TRIM54: variants seen among roughly 807,000 people sequenced by gnomAD.
TRIM54 encodes the protein tripartite motif-containing protein 54.
TRIM54 carries 40 observed loss-of-function variants against 42.0 expected under a neutral mutation model. That is an observed-to-expected ratio of 0.95 (90% CI 0.74 to 1.24). The LOEUF (loss-of-function observed/expected upper bound fraction) is 1.24, where lower values mean the gene tolerates loss of function less well. Among genes scored for constraint, TRIM54 ranks in the 50% most tolerant of loss-of-function variants. The pLI is 0.00. For missense variants in TRIM54, 485 were observed against 480.3 expected (o/e 1.01, Z -0.09); for synonymous variants, 199 against 194.9 (o/e 1.02, Z -0.17).
At chr2:27,300,785 G>C (rs546322444) in intron 3 of TRIM54, among the ~76,000 whole-genome samples, 1 of 152,232 alleles carries the variant, frequency 6.6e-6, no homozygotes, top group Admixed American at 6.5e-5. Flanking sequence ...AGGATCACTT[G>C]AGCCCGGGAG....
At chr2:27,298,834 A>G (rs1439246175) in intron 2 of TRIM54, 95 bp downstream of exon 2, 40 of 1,341,366 alleles carry the variant, frequency 3.0e-5, no homozygotes, top group Non-Finnish European at 3.8e-5. Context: ...GAAACGGTCA[A>G]CCTGCCTGTT....
At chr2:27,287,822 C>A (rs1173029617) in intron 1 of TRIM54, among the ~76,000 whole-genome samples, 1 of 152,258 alleles carries the variant, frequency 6.6e-6, no homozygotes, top group Non-Finnish European at 1.5e-5. Flanking sequence ...AGCCACTGCA[C>A]CTGGCCTTAA....
chr2:27,298,807 G>A (rs943304645), intron 2 of TRIM54, 68 bp downstream of exon 2: 3 of 1,524,032 alleles, frequency 2.0e-6, no homozygotes, highest in African/African-American at 2.7e-5. Flanking sequence ...ACCCATCAGA[G>A]CCAAAAGGGA....
Position 27,307,289 on chromosome 2 carries a change from G to C in TRIM54, c.*404G>C. 1 of 678,846 alleles carries C rather than the reference G, an allele frequency of 1.5e-6. No individual in the cohort carries two copies. 42.1% of individuals were successfully genotyped at this position (678,846 alleles called of 1,614,324 possible). On this transcript the variant is annotated 3_prime_UTR_variant, in exon 9 of 9. Transcript: ENST00000380075. The surrounding 1 kb of genome is among the most constrained non-coding windows in gnomAD (Gnocchi z 6.9). ...CTGGCTGACCTGGCTGAAAGCCGCT[G>C]TCTCGGAGCCCCCCACAGCATTTTG...
Position 27,305,836 on chromosome 2 carries a change from TG to T in TRIM54, c.843+21del. On this transcript the variant is annotated intron_variant, in intron 5 of 8. Transcript: ENST00000380075. The stretch of plus-strand genomic sequence containing the variant: ...TCTCCAGGTGGGCTCTAGGGGAGGG[TG>T]GCAGCGCTGCACAGTGGCTGGAGTC... The T allele has an allele frequency of 6.4e-7, 1 of 1,559,176 alleles. No individual in the cohort carries two copies. Among genetic ancestry groups the T allele is most frequent in the Non-Finnish European group, 8.7e-7 (1 of 1,148,262 alleles).
chr2:27,282,995 A>C (rs1678428841), intron 1 of TRIM54, 96 bp downstream of exon 1: 2 of 1,369,810 alleles, frequency 1.5e-6, no homozygotes, highest in Non-Finnish European at 9.8e-7. Context: ...TGATGGATAG[A>C]GTGCTCTCTG....
In TRIM54 at chr2:27,288,724, G is replaced by A. The variant is rs79603702; in HGVS notation, c.168+5825G>A. On this transcript the variant is annotated intron_variant, in intron 1 of 8. Coordinates refer to ENST00000380075, the MANE Select transcript of TRIM54 (RefSeq NM_187841.3). ...GTTAGATCGAATGGATGTTATCTCCGTTTTACAGAAGAGAACATAGGAAAC... is the reference window on the plus strand; with the variant it reads ...GTTAGATCGAATGGATGTTATCTCCATTTTACAGAAGAGAACATAGGAAAC... 7.4e-3 allele frequency among the ~76,000 whole-genome samples: 1,124 copies of A among 152,242 alleles called. 9 individuals are homozygous for A. The highest frequency in any genetic ancestry group is 0.017 in the Middle Eastern group (5 of 294).
At chr2:27,299,665 C>T (rs955543535) in intron 3 of TRIM54, 3 of 662,474 alleles carry the variant, frequency 4.5e-6, no homozygotes, top group East Asian at 5.4e-5. Flanking sequence ...TGTGAGCCAC[C>T]GCACTCAGCC....
rs1185465909 is a variant in TRIM54 at position 27,298,748 on chromosome 2, C to T, written c.341+9C>T. ...AAGCAGGAGTCATCCAGGTGAGCCA[C>T]CAGAGTCTCTTGCCTCTCTCATGAC... is the stretch of plus-strand genomic sequence containing the variant. On this transcript the variant is annotated intron_variant, in intron 2 of 8. Transcript: ENST00000380075. 6.2e-7 allele frequency: 1 copy of T among 1,612,906 alleles called. No homozygotes were observed. The highest frequency in any genetic ancestry group is 8.5e-7 in the Non-Finnish European group (1 of 1,179,256).
In TRIM54 at chr2:27,305,786, T is replaced by C. The variant is rs78879946; in HGVS notation, c.812T>C (p.Met271Thr). ...SKLVESAIQS[M>T]EEPQMALYLQ... ...CTGGTGGAGTCTGCCATCCAGTCCATGGAAGAGCCACAAATGGCGCTGTAT... is the reference window on the plus strand; with the variant it reads ...CTGGTGGAGTCTGCCATCCAGTCCACGGAAGAGCCACAAATGGCGCTGTAT... The change falls in exon 5 of 9, where the codon ATG (methionine) becomes ACG (threonine). Residue 271 changes from methionine (M) to threonine (T), a missense_variant. Transcript: ENST00000380075. 6 of 1,608,906 alleles carry C rather than the reference T, an allele frequency of 3.7e-6. No individual in the cohort carries two copies. The South Asian group carries it at 6.7e-5, about 18-fold the overall frequency.
At position 27,306,025 on chromosome 2, in the gene TRIM54, G is replaced by A; in HGVS notation, c.844-55G>A. 2 of 1,609,344 alleles carry A rather than the reference G, an allele frequency of 1.2e-6. No homozygotes were observed. Among genetic ancestry groups the A allele is most frequent in the South Asian group, 2.2e-5 (2 of 90,456 alleles). On this transcript the variant is annotated intron_variant, in intron 5 of 8. Coordinates refer to ENST00000380075, the MANE Select transcript of TRIM54 (RefSeq NM_187841.3). This position sits in a 1 kb window ranked among gnomAD's most constrained non-coding sequence, Gnocchi z 6.1. ...GGACTGTGGTGAGATTCAGAAATGGGACTTTGCCCAGGTTGGCCCAGTGCT... is the reference window on the plus strand; with the variant it reads ...GGACTGTGGTGAGATTCAGAAATGGAACTTTGCCCAGGTTGGCCCAGTGCT...
chr2:27,300,241 G>A (rs905867436), intron 3 of TRIM54, among the ~76,000 whole-genome samples: 26 of 152,058 alleles, frequency 1.7e-4, no homozygotes, highest in African/African-American at 5.8e-4. Context: ...GCACGATCTC[G>A]GCTCACTGTA....
At chr2:27,294,036 CAAT>C (rs1305090253) in intron 1 of TRIM54, among the ~76,000 whole-genome samples, 14 of 152,120 alleles carry the variant, frequency 9.2e-5, no homozygotes, top group African/African-American at 3.1e-4. Context: ...ACAACAACAA[CAAT>C]AATAACAACA....
At chr2:27,295,493 A>G (rs1678841548) in intron 1 of TRIM54, among the ~76,000 whole-genome samples, 1 of 152,094 alleles carries the variant, frequency 6.6e-6, no homozygotes, top group African/African-American at 2.4e-5. Flanking sequence ...TTTTTAGTAG[A>G]GACGGGATTT....
intron 1 of TRIM54, among the ~76,000 whole-genome samples, chr2:27,291,815 C>T (rs1169339835): frequency 2.0e-5 from 3 of 152,082 alleles, no homozygotes; most frequent in South Asian, 4.1e-4. Flanking sequence ...CCAGGCCCGA[C>T]GGAGATATGG....
intron 1 of TRIM54, among the ~76,000 whole-genome samples, chr2:27,285,098 A>C (rs1678519828): frequency 6.6e-6 from 1 of 152,010 alleles, no homozygotes; most frequent in South Asian, 2.1e-4. Flanking sequence ...TTGAGGTGCA[A>C]AGCACCCTTG....
chr2:27,287,137 A>T (rs544215201), intron 1 of TRIM54, among the ~76,000 whole-genome samples: 6 of 152,326 alleles, frequency 3.9e-5, no homozygotes, highest in African/African-American at 1.4e-4. Context: ...TTTGCCACAC[A>T]ATGCATATCA....
chr2:27,306,118 G>A lies in TRIM54; in HGVS notation c.866+16G>A, dbSNP rs768128037. On this transcript the variant is annotated intron_variant, in intron 6 of 8. Coordinates refer to ENST00000380075, the MANE Select transcript of TRIM54 (RefSeq NM_187841.3). The surrounding 1 kb of genome is among the most constrained non-coding windows in gnomAD (Gnocchi z 6.1). ...TGATCAATAAGTGAGTAGGCATAGCGGGAAGGGAAAGGAGGGGGCTGCACT... is the reference window on the plus strand; with the variant it reads ...TGATCAATAAGTGAGTAGGCATAGCAGGAAGGGAAAGGAGGGGGCTGCACT... 1.6e-5 allele frequency: 26 copies of A among 1,613,872 alleles called. No homozygotes were observed. The Middle Eastern group carries it at 6.6e-4, about 41-fold the overall frequency.
intron 3 of TRIM54, among the ~76,000 whole-genome samples, chr2:27,303,606 G>A (rs571595756): frequency 6.6e-6 from 1 of 151,604 alleles, no homozygotes; most frequent in East Asian, 1.9e-4. Flanking sequence ...AGGAGCTAAA[G>A]CAGTAAATTG....
Sources: allele counts gnomAD v4.1 joint callset (sites outside exome capture counted in the v4.1 genomes callset), GRCh38; gene constraint gnomAD v4.1.1; non-coding constraint Gnocchi (gnomAD v3.1); transcripts MANE v1.5; gene names NCBI Gene and HGNC (gene_info 2026-07-23, HGNC 2026-07-21).